Variants in DAAM2 observed in about 807,000 individuals in gnomAD.
DAAM2 encodes disheveled-associated activator of morphogenesis 2.
In DAAM2, 39 loss-of-function variants were observed where a neutral mutation model predicts 120.7. That is an observed-to-expected ratio of 0.32 (90% CI 0.25 to 0.42). The LOEUF (loss-of-function observed/expected upper bound fraction) is 0.42. Ranked by LOEUF, DAAM2 falls within the 10% of genes least tolerant of loss-of-function variation. The pLI is 1.00. For missense variants in DAAM2, 1,283 were observed against 1,401.7 expected (o/e 0.92, Z 1.35); for synonymous variants, 488 against 524.9 (o/e 0.93, Z 0.96).
intron 1 of DAAM2, among the ~76,000 whole-genome samples, chr6:39,846,095 T>C (rs1170466707): frequency 6.6e-6 from 1 of 152,086 alleles, no homozygotes; most frequent in African/African-American, 2.4e-5. Flanking sequence ...GTGCTGAGAA[T>C]CATTCACAGG....
chr6:39,897,049 CCTCT>C, intron 20 of DAAM2, 69 bp downstream of exon 20: 1 of 1,550,066 alleles, frequency 6.5e-7, no homozygotes, highest in Non-Finnish European at 8.8e-7. Flanking sequence ...TCACATCCTC[CCTCT>C]ATTAGGACGG....
intron 1 of DAAM2, among the ~76,000 whole-genome samples, chr6:39,824,833 G>A (rs1162694876): frequency 1.3e-5 from 2 of 152,182 alleles, no homozygotes; most frequent in African/African-American, 4.8e-5. Flanking sequence ...CCCCATCCAG[G>A]GTGCATTTAT....
At chr6:39,850,399 C>T (rs116299878) in intron 1 of DAAM2, among the ~76,000 whole-genome samples, 2 of 152,154 alleles carry the variant, frequency 1.3e-5, no homozygotes, top group African/African-American at 4.8e-5. Context: ...CTTCTCAGGG[C>T]TGCCCAAACA....
At position 39,901,251 on chromosome 6, in the gene DAAM2, C is replaced by A; in HGVS notation, c.2812-51C>A. On this transcript the variant is annotated intron_variant, in intron 23 of 24. Transcript: ENST00000274867. This position sits in a 1 kb window ranked among gnomAD's most constrained non-coding sequence, Gnocchi z 4.5. ...AACCCAGCTAACCTCAGGGGCTGAG[C>A]CCAGCATGCTCCAGGGCACTCTCCA... The A allele has an allele frequency of 6.4e-7, 1 of 1,552,238 alleles. No homozygotes were observed. Among genetic ancestry groups the A allele is most frequent in the Admixed American group, 1.7e-5 (1 of 58,414 alleles).
intron 1 of DAAM2, among the ~76,000 whole-genome samples, chr6:39,803,172 A>G (rs1182571245): frequency 6.6e-6 from 1 of 152,254 alleles, no homozygotes; most frequent in Non-Finnish European, 1.5e-5. Flanking sequence ...AGGTGAACAC[A>G]TGAATGCGTT....
rs1359478961 is a variant in DAAM2 at position 39,902,061 on chromosome 6, G to A, written c.*24G>A. The A allele has an allele frequency of 6.4e-7, 1 of 1,572,830 alleles. No individual in the cohort carries two copies. The highest frequency in any genetic ancestry group is 1.7e-5 in the Admixed American group (1 of 57,822). On this transcript the variant is annotated 3_prime_UTR_variant, in exon 25 of 25. Transcript: ENST00000274867. ...GACCTGGGGAACTAGCCACACAGGA[G>A]GCCGGGAGACAGGGACTGGTGAGAA... is the stretch of plus-strand genomic sequence containing the variant.
At chr6:39,839,151 C>T (rs1331075443) in intron 1 of DAAM2, among the ~76,000 whole-genome samples, 1 of 151,870 alleles carries the variant, frequency 6.6e-6, no homozygotes, top group Non-Finnish European at 1.5e-5. Context: ...ACTTTGCAGC[C>T]AGGCAGGAAA....
intron 1 of DAAM2, among the ~76,000 whole-genome samples, chr6:39,800,648 G>A (rs1001248120): frequency 2.0e-5 from 3 of 152,166 alleles, no homozygotes; most frequent in African/African-American, 7.2e-5. Flanking sequence ...CGGCTAAAGA[G>A]ACTTGCTGTG....
At chr6:39,868,771 C>A in intron 6 of DAAM2, 52 bp from the exon 7 acceptor site, 2 of 1,362,724 alleles carry the variant, frequency 1.5e-6, no homozygotes, top group Non-Finnish European at 1.0e-6. Context: ...AAAGGCCACA[C>A]CTGTTGGGAA....
At position 39,799,957 on chromosome 6, in the gene DAAM2, A is replaced by G. The variant is rs370638198; in HGVS notation, c.-57+7492A>G. ...GTATTTTTCACTGAAAGGGAATCTT[A>G]TAGTACATGTTACTCTGTAGCATAC... On this transcript the variant is annotated intron_variant, in intron 1 of 24. Transcript: ENST00000274867. Among the ~76,000 whole-genome samples the G allele has an allele frequency of 9.1e-4, 138 of 152,318 alleles. 1 individual carries two copies. Among genetic ancestry groups the G allele is most frequent in the African/African-American group, 3.1e-3 (127 of 41,564 alleles).
At chr6:39,815,768 A>C (rs961340260) in intron 1 of DAAM2, among the ~76,000 whole-genome samples, 1 of 152,160 alleles carries the variant, frequency 6.6e-6, no homozygotes, top group Non-Finnish European at 1.5e-5. Context: ...ACAATTCAGA[A>C]TTGAGCACTG....
At chr6:39,895,147 C>G (rs1270977336) in intron 19 of DAAM2, among the ~76,000 whole-genome samples, 2 of 152,098 alleles carry the variant, frequency 1.3e-5, no homozygotes, top group Non-Finnish European at 2.9e-5. Flanking sequence ...AATAATGTGG[C>G]TTTTAGGTTA....
intron 1 of DAAM2, among the ~76,000 whole-genome samples, chr6:39,797,774 A>G (rs574494425): frequency 6.6e-6 from 1 of 152,360 alleles, no homozygotes; most frequent in African/African-American, 2.4e-5. Flanking sequence ...AAGCCCTATG[A>G]GGGTGCAGAC....
intron 1 of DAAM2, among the ~76,000 whole-genome samples, chr6:39,832,097 A>C (rs1358487912): frequency 7.0e-6 from 1 of 143,000 alleles, no homozygotes; most frequent in African/African-American, 2.6e-5. Flanking sequence ...GAACAGGTGT[A>C]CTGGGGGGAC....
intron 1 of DAAM2, among the ~76,000 whole-genome samples, chr6:39,802,571 A>C (rs1054964452): frequency 3.3e-5 from 5 of 152,168 alleles, no homozygotes; most frequent in African/African-American, 1.2e-4. Context: ...CAGAGAGTGC[A>C]TCTCATTAGC....
chr6:39,847,595 C>T (rs1763646643), intron 1 of DAAM2, among the ~76,000 whole-genome samples: 1 of 152,110 alleles, frequency 6.6e-6, no homozygotes, highest in Non-Finnish European at 1.5e-5. Flanking sequence ...TCCCCAGGTT[C>T]ATAGTCAGCC....
chr6:39,826,198 A>G (rs193260284), intron 1 of DAAM2, among the ~76,000 whole-genome samples: 2 of 152,254 alleles, frequency 1.3e-5, no homozygotes, highest in Admixed American at 1.3e-4. Context: ...CTGGGGAAGA[A>G]GCGATTGTGC....
At chr6:39,842,997 A>T (rs1287743780) in intron 1 of DAAM2, among the ~76,000 whole-genome samples, 1 of 152,228 alleles carries the variant, frequency 6.6e-6, no homozygotes, top group African/African-American at 2.4e-5. Context: ...GTGTATGCTT[A>T]ATGTCATGTC....
chr6:39,884,072 A>G lies in DAAM2; in HGVS notation c.1953+3A>G. On this transcript the variant is annotated splice_donor_region_variant and intron_variant, in intron 15 of 24. Coordinates refer to ENST00000274867, the MANE Select transcript of DAAM2 (RefSeq NM_001201427.2). ...TTTCAGCCTACCAGAGGCACCAGGT[A>G]AGACCCTATACCCTCTGGCCTCTTG... is the stretch of plus-strand genomic sequence containing the variant. 1 of 1,524,394 alleles carries G rather than the reference A, an allele frequency of 6.6e-7. No homozygotes were observed. The highest frequency in any genetic ancestry group is 9.1e-7 in the Non-Finnish European group (1 of 1,102,318). The allele number at this position is 1,524,394 out of a possible 1,614,324, so 94.4% of individuals were successfully genotyped here.
Sources: gnomAD v4.1 joint callset for allele counts (sites outside exome capture counted in the v4.1 genomes callset) on GRCh38, gnomAD v4.1.1 for gene constraint, Gnocchi (gnomAD v3.1) non-coding constraint, MANE v1.5 for transcripts, NCBI Gene and HGNC (gene_info 2026-07-23, HGNC 2026-07-21) for gene names.